The following MCF2L variants were observed in gnomAD, a reference collection of about 807,000 sequenced individuals.
MCF2L encodes the protein MCF.2 cell line derived transforming sequence like.
In MCF2L, 97 loss-of-function variants were observed where a neutral mutation model predicts 153.4. The observed-to-expected ratio is 0.63, with a 90% CI of 0.54 to 0.75. MCF2L has a LOEUF of 0.75. MCF2L is among the 30% of genes least tolerant of loss of function. MCF2L has a pLI of 0.00. For missense variants in MCF2L, 1,347 were observed against 1,495.2 expected (o/e 0.90, Z 1.64); for synonymous variants, 659 against 632.2 (o/e 1.04, Z -0.64).
intron 2 of MCF2L, among the ~76,000 whole-genome samples, chr13:112,918,006 G>C (rs774531030): frequency 6.6e-6 from 1 of 152,172 alleles, no homozygotes; most frequent in African/African-American, 2.4e-5. Context: ...CTGGGACTTT[G>C]TATCTTTCCA....
chr13:112,949,699 AAAC>A (rs771925425), intron 2 of MCF2L, among the ~76,000 whole-genome samples: 5 of 152,032 alleles, frequency 3.3e-5, no homozygotes, highest in Admixed American at 6.5e-5. Flanking sequence ...TTAAAAAAAA[AAAC>A]AACAAAACTC....
At chr13:112,999,346 C>G (rs1174124663) in intron 1 of MCF2L, among the ~76,000 whole-genome samples, 1 of 151,022 alleles carries the variant, frequency 6.6e-6, no homozygotes, top group Non-Finnish European at 1.5e-5. Context: ...CAGCTGATTT[C>G]TCGGGGTCCT....
chr13:113,084,757 A>T, intron 18 of MCF2L, 135 bp from the exon 19 acceptor site: 1 of 715,070 alleles, frequency 1.4e-6, no homozygotes. Context: ...GGCCAGCAGC[A>T]ATGCCTCGCA....
intron 1 of MCF2L, among the ~76,000 whole-genome samples, chr13:112,897,191 A>T (rs2081075663): frequency 6.6e-6 from 1 of 152,080 alleles, no homozygotes; most frequent in South Asian, 2.1e-4. Context: ...AAGCTACATC[A>T]TGAGGGTCGC....
chr13:113,096,952 C>A lies in MCF2L; in HGVS notation c.*93C>A. 1.1e-6 allele frequency: 1 copy of A among 901,780 alleles called. No homozygotes were observed. Among genetic ancestry groups the A allele is most frequent in the Non-Finnish European group, 1.5e-6 (1 of 668,032 alleles). The allele number at this position is 901,780 out of a possible 1,614,324, so 55.9% of individuals were successfully genotyped here. Reference sequence around the variant, plus strand: ...CGGACGCCCCGAGGAAGGGGCACCTCACCGCCCCCACCCAGAGCGCCTGGC... The same window carrying A: ...CGGACGCCCCGAGGAAGGGGCACCTAACCGCCCCCACCCAGAGCGCCTGGC... On this transcript the variant is annotated 3_prime_UTR_variant, in exon 30 of 30. Coordinates refer to ENST00000535094, the MANE Select transcript of MCF2L (RefSeq NM_001112732.3).
intron 4 of MCF2L, among the ~76,000 whole-genome samples, chr13:113,059,003 G>C (rs557162856): frequency 8.6e-6 from 1 of 115,996 alleles, no homozygotes; most frequent in African/African-American, 3.3e-5. Flanking sequence ...TGCCATTTGG[G>C]TGCTGAGTGG....
At chr13:112,928,739 C>T (rs1023151807) in intron 2 of MCF2L, among the ~76,000 whole-genome samples, 2 of 152,182 alleles carry the variant, frequency 1.3e-5, no homozygotes, top group Non-Finnish European at 2.9e-5. Context: ...GGTCTTGGCA[C>T]GGGGAAAGGA....
chr13:113,074,967 C>G lies in MCF2L; in HGVS notation c.1117-31C>G. On this transcript the variant is annotated intron_variant, in intron 10 of 29. Coordinates refer to ENST00000535094, the MANE Select transcript of MCF2L (RefSeq NM_001112732.3). This position sits in a 1 kb window ranked among gnomAD's most constrained non-coding sequence, Gnocchi z 4.2. ...CTGTGTGCCTCGAACAGAAAGAGGC[C>G]TGAGCTGGTCCTCTGGGTGGCCGTC... is the stretch of plus-strand genomic sequence containing the variant. 1.3e-6 allele frequency: 2 copies of G among 1,574,496 alleles called. No individual in the cohort carries two copies. The highest frequency in any genetic ancestry group is 1.7e-6 in the Non-Finnish European group (2 of 1,154,906).
chr13:113,093,158 C>T (rs572942369), intron 26 of MCF2L, among the ~76,000 whole-genome samples: 1 of 152,252 alleles, frequency 6.6e-6, no homozygotes, highest in African/African-American at 2.4e-5. Flanking sequence ...CCAGTCCCTG[C>T]TGCTGTAGAG....
In MCF2L at chr13:113,045,509, G is replaced by GC. The variant is rs537053571; in HGVS notation, c.369+155dup. 4.5e-4 allele frequency: 307 copies of GC among 689,708 alleles called. 1 individual carries two copies. In the African/African-American group the frequency reaches 5.0e-3, roughly 11 times the overall value. 42.7% of individuals were successfully genotyped at this position (689,708 alleles called of 1,614,324 possible). A position where few individuals can be genotyped will look rare whatever the true frequency, so the allele number is the denominator to read the frequency against. On this transcript the variant is annotated intron_variant, in intron 4 of 29. Transcript: ENST00000535094. The surrounding 1 kb of genome is among the most constrained non-coding windows in gnomAD (Gnocchi z 4.2). Reference sequence around the variant, plus strand: ...CCGGCGGGTGGAGGCCGGCGCCAAGGCCCCCCCTGCTTGGGCTCCCAAGGC... The same window carrying GC: ...CCGGCGGGTGGAGGCCGGCGCCAAGGCCCCCCCCTGCTTGGGCTCCCAAGGC...
chr13:113,059,141 G>T (rs540670776), intron 4 of MCF2L, among the ~76,000 whole-genome samples: 168 of 152,338 alleles, frequency 1.1e-3, no homozygotes, highest in Non-Finnish European at 4.3e-4. Flanking sequence ...CCCAGAGCTG[G>T]GTTGGAACTT....
At chr13:113,038,589 C>T (rs2086290879) in intron 3 of MCF2L, among the ~76,000 whole-genome samples, 1 of 152,102 alleles carries the variant, frequency 6.6e-6, no homozygotes, top group South Asian at 2.1e-4. Flanking sequence ...ACATATAGAT[C>T]GAATGCAGTT....
chr13:113,034,643 C>T (rs966359064), intron 3 of MCF2L, among the ~76,000 whole-genome samples: 11 of 151,868 alleles, frequency 7.2e-5, no homozygotes, highest in Admixed American at 4.6e-4. Flanking sequence ...TCACCCACGC[C>T]CTCGCCCTTG....
At chr13:113,008,903 G>A (rs1329314492) in intron 1 of MCF2L, 1 of 152,130 alleles carries the variant, frequency 6.6e-6, no homozygotes, top group African/African-American at 2.4e-5. Context: ...GCCTGCATCA[G>A]AGAACCCAGG....
At chr13:113,055,809 C>T (rs2087725417) in intron 4 of MCF2L, among the ~76,000 whole-genome samples, 1 of 152,224 alleles carries the variant, frequency 6.6e-6, no homozygotes, top group Admixed American at 6.5e-5. Context: ...AGGTGAATGG[C>T]TGTGGCCTTA....
chr13:113,011,610 T>A (rs1279487905), intron 1 of MCF2L, among the ~76,000 whole-genome samples: 1 of 128,854 alleles, frequency 7.8e-6, no homozygotes. Flanking sequence ...CACTGCAGTG[T>A]GGATGGTGGA....
intron 3 of MCF2L, among the ~76,000 whole-genome samples, chr13:113,036,580 G>T (rs1041522264): frequency 6.6e-6 from 1 of 152,238 alleles, no homozygotes; most frequent in African/African-American, 2.4e-5. Context: ...CAAGTGCGGG[G>T]TGGGTGAGTG....
chr13:113,069,957 C>G lies in MCF2L; in HGVS notation c.882-102C>G, dbSNP rs542962846. On this transcript the variant is annotated intron_variant, in intron 8 of 29. Transcript: ENST00000535094. ...CGGAGGCCAGGATCTCAGGAAGGCC[C>G]GGGGTGGAGATGAGCCTTGGGGTCG... 1.7e-5 allele frequency: 12 copies of G among 716,198 alleles called. No homozygotes were observed. The South Asian group carries it at 1.8e-4, about 11-fold the overall frequency. 44.4% of individuals were successfully genotyped at this position (716,198 alleles called of 1,614,324 possible). A position where few individuals can be genotyped will look rare whatever the true frequency, so the allele number is the denominator to read the frequency against.
At chr13:113,016,563 G>C (rs1379169938) in intron 2 of MCF2L, among the ~76,000 whole-genome samples, 1 of 152,170 alleles carries the variant, frequency 6.6e-6, no homozygotes, top group Admixed American at 6.5e-5. Flanking sequence ...GCCTCCGTCG[G>C]CTCCTCTCCC....
Sources: allele counts gnomAD v4.1 joint callset (sites outside exome capture counted in the v4.1 genomes callset), GRCh38; gene constraint gnomAD v4.1.1; non-coding constraint Gnocchi (gnomAD v3.1); transcripts MANE v1.5; gene names NCBI Gene and HGNC (gene_info 2026-07-23, HGNC 2026-07-21).